Variants in LRRIQ1 observed in about 807,000 individuals in gnomAD.
LRRIQ1 encodes leucine-rich repeat- and IQ domain-containing protein 1.
A neutral mutation model predicts 211.9 loss-of-function variants in LRRIQ1; 210 were observed. The observed-to-expected ratio is 0.99, with a 90% CI of 0.89 to 1.11. The LOEUF (loss-of-function observed/expected upper bound fraction) is 1.11, where lower values mean the gene tolerates loss of function less well. Ranked by LOEUF, LRRIQ1 falls within the 50% of genes most tolerant of loss-of-function variation. LRRIQ1 has a pLI of 0.00. For synonymous variants in LRRIQ1, 699 were observed against 650.1 expected (o/e 1.08, Z -1.14); for missense variants, 2,136 against 1,939.5 (o/e 1.10, Z -1.90).
intron 8 of LRRIQ1, among the ~76,000 whole-genome samples, chr12:85,057,934 C>G (rs1353816228): frequency 6.6e-6 from 1 of 152,034 alleles, no homozygotes; most frequent in Non-Finnish European, 1.5e-5. Flanking sequence ...TCTTGATAGA[C>G]TTTCTTGCTA....
At chr12:85,109,455 A>G (rs1346493839) in intron 15 of LRRIQ1, among the ~76,000 whole-genome samples, 1 of 152,150 alleles carries the variant, frequency 6.6e-6, no homozygotes, top group Non-Finnish European at 1.5e-5. Flanking sequence ...TTCTAATAGT[A>G]CAATGTTATT....
At chr12:85,102,959 A>AATATATATATATAT (rs1197049295) in intron 13 of LRRIQ1, among the ~76,000 whole-genome samples, 7 of 108,500 alleles carry the variant, frequency 6.5e-5, no homozygotes, top group African/African-American at 2.9e-4. Flanking sequence ...AAAAAAAAAA[A>AATATATATATATAT]ATATATATAT....
chr12:85,054,492 G>T (rs961371963), intron 7 of LRRIQ1, among the ~76,000 whole-genome samples: 1 of 152,042 alleles, frequency 6.6e-6, no homozygotes, highest in African/African-American at 2.4e-5. Context: ...TTAAGAAAAC[G>T]TATTTTTCTA....
intron 24 of LRRIQ1, among the ~76,000 whole-genome samples, chr12:85,214,850 G>T (rs926947105): frequency 6.6e-6 from 1 of 151,878 alleles, no homozygotes; most frequent in Non-Finnish European, 1.5e-5. Flanking sequence ...AAATATATAC[G>T]CATTATAGTT....
intron 18 of LRRIQ1, among the ~76,000 whole-genome samples, chr12:85,134,996 A>C (rs1423301340): frequency 2.0e-5 from 3 of 152,036 alleles, no homozygotes; most frequent in African/African-American, 7.2e-5. Context: ...CCAACCTTAA[A>C]AATAACAATT....
chr12:85,105,366 G>A (rs1160484422), intron 14 of LRRIQ1, among the ~76,000 whole-genome samples: 1 of 151,994 alleles, frequency 6.6e-6, no homozygotes. Flanking sequence ...TAATTTTTAT[G>A]TATGGTGTGA....
intron 19 of LRRIQ1, among the ~76,000 whole-genome samples, chr12:85,141,036 T>A (rs1468683047): frequency 6.6e-6 from 1 of 151,364 alleles, no homozygotes; most frequent in Admixed American, 6.6e-5. Context: ...CTATTTCTTA[T>A]ACAGCTCCCT....
the LRRIQ1 span, among the ~76,000 whole-genome samples, chr12:85,269,753 T>C: frequency 6.6e-6 from 1 of 152,022 alleles, no homozygotes; most frequent in African/African-American, 2.4e-5. Flanking sequence ...TCTAAGATTA[T>C]TTATCTGGAA....
intron 11 of LRRIQ1, among the ~76,000 whole-genome samples, chr12:85,088,501 A>G (rs371302684): frequency 6.6e-6 from 1 of 152,192 alleles, no homozygotes; most frequent in South Asian, 2.1e-4. Flanking sequence ...TGGTAGCTTG[A>G]TGGGGATAGC....
intron 23 of LRRIQ1, among the ~76,000 whole-genome samples, chr12:85,156,357 G>A (rs546030842): frequency 1.3e-5 from 2 of 151,688 alleles, no homozygotes; most frequent in African/African-American, 4.8e-5. Flanking sequence ...ATTAAAGAGA[G>A]GATTAATGGT....
At chr12:85,073,194 A>T (rs200088599) in intron 11 of LRRIQ1, 96 bp downstream of exon 11, 3 of 738,614 alleles carry the variant, frequency 4.1e-6, no homozygotes, top group Admixed American at 6.9e-5. Context: ...CATCTCCTTT[A>T]TTTTTTTAAA....
At chr12:85,172,248 G>A (rs557211530) in intron 24 of LRRIQ1, among the ~76,000 whole-genome samples, 2 of 152,144 alleles carry the variant, frequency 1.3e-5, no homozygotes, top group Admixed American at 1.3e-4. Context: ...TCTGTATCAG[G>A]TACCCCCCTA....
rs148962166 is a variant in LRRIQ1, at chr12:85,223,792, AG to A, written c.4823-5724del. ...ATAGTCAAAAACAAAAAAGGAAACT[AG>A]AATCCAGTAGATAATTGAAGAAAAC... On this transcript the variant is annotated intron_variant, in intron 24 of 26. Transcript: ENST00000393217. 0.017 allele frequency among the ~76,000 whole-genome samples: 2,630 copies of A among 152,246 alleles called. 134 individuals carry two copies. The East Asian group carries it at 0.2, about 12-fold the overall frequency.
At chr12:85,162,203 G>A (rs1333933376) in intron 24 of LRRIQ1, among the ~76,000 whole-genome samples, 1 of 151,380 alleles carries the variant, frequency 6.6e-6, no homozygotes, top group Non-Finnish European at 1.5e-5. Flanking sequence ...TAAAAATTTT[G>A]GTGCCCATTA....
chr12:85,081,897 AT>A (rs2136171375), intron 11 of LRRIQ1, among the ~76,000 whole-genome samples: 1 of 150,938 alleles, frequency 6.6e-6, no homozygotes, highest in East Asian at 2.0e-4. Context: ...ATTTTTTTGT[AT>A]TTTTAGTAGA....
intron 15 of LRRIQ1, among the ~76,000 whole-genome samples, chr12:85,121,059 C>T (rs1015058294): frequency 1.3e-5 from 2 of 152,060 alleles, no homozygotes; most frequent in African/African-American, 4.8e-5. Context: ...CCTCCACCTC[C>T]CCGGTTCAAG....
chr12:85,112,597 C>T (rs1887266708), intron 15 of LRRIQ1, among the ~76,000 whole-genome samples: 1 of 150,910 alleles, frequency 6.6e-6, no homozygotes, highest in African/African-American at 2.5e-5. Context: ...TGGCAGTTTA[C>T]ATTTTTATTT....
At chr12:85,201,077 C>T (rs376188093) in intron 24 of LRRIQ1, among the ~76,000 whole-genome samples, 9 of 151,980 alleles carry the variant, frequency 5.9e-5, no homozygotes, top group Middle Eastern at 6.8e-3. Context: ...ATGATTCACC[C>T]GCCTCTGCCT....
intron 24 of LRRIQ1, among the ~76,000 whole-genome samples, chr12:85,221,176 A>G (rs1894386426): frequency 6.6e-6 from 1 of 152,114 alleles, no homozygotes; most frequent in Non-Finnish European, 1.5e-5. Context: ...CTTGACCTTC[A>G]GAGCTAAAGT....
Sources: gnomAD v4.1 joint callset for allele counts (sites outside exome capture counted in the v4.1 genomes callset) on GRCh38, gnomAD v4.1.1 for gene constraint, MANE v1.5 for transcripts, NCBI Gene and HGNC (gene_info 2026-07-23, HGNC 2026-07-21) for gene names.